The following CYSLTR1 variants were observed in gnomAD, a reference collection of about 807,000 sequenced individuals.
CYSLTR1 encodes G-protein coupled receptor HG55.
CYSLTR1 carries 1 observed loss-of-function variant against 2.1 expected under a neutral mutation model. The ratio of observed to expected loss-of-function variants is 0.48; its 90% CI spans 0.17 to 2.28. The LOEUF (loss-of-function observed/expected upper bound fraction) is 2.28, where lower values mean the gene tolerates loss of function less well. Ranked by LOEUF, CYSLTR1 falls within the 30% of genes most tolerant of loss-of-function variation. The pLI is 0.26. For synonymous variants in CYSLTR1, 110 were observed against 89.6 expected (o/e 1.23, Z -1.28); for missense variants, 299 against 250.1 (o/e 1.20, Z -1.32).
At chrX:78,274,710 A>G (rs1273616951) in intron 2 of CYSLTR1, among the ~76,000 whole-genome samples, 4 of 110,445 alleles carry the variant, frequency 3.6e-5, no homozygotes, top group South Asian at 3.9e-4. Flanking sequence ...AATGACAACA[A>G]AAGCCAAAAT....
chrX:78,315,843 AAG>A (rs1323592514), intron 1 of CYSLTR1, among the ~76,000 whole-genome samples: 1 of 112,171 alleles, frequency 8.9e-6, no homozygotes, highest in Non-Finnish European at 1.9e-5. Context: ...TACTACTATT[AAG>A]AGAGGGACAC....
intron 1 of CYSLTR1, among the ~76,000 whole-genome samples, chrX:78,322,977 T>C (rs928367219): frequency 8.9e-6 from 1 of 111,737 alleles, no homozygotes; most frequent in African/African-American, 3.3e-5. Flanking sequence ...CCTTCCATTG[T>C]ACTGTGCCAA....
intron 1 of CYSLTR1, among the ~76,000 whole-genome samples, chrX:78,306,598 A>G (rs922008300): frequency 1.8e-5 from 2 of 111,915 alleles, no homozygotes; most frequent in Admixed American, 9.5e-5. Flanking sequence ...TAATTTTCTA[A>G]TGAAGCAAAT....
intron 1 of CYSLTR1, among the ~76,000 whole-genome samples, chrX:78,302,035 A>G (rs1186784996): frequency 1.8e-5 from 2 of 111,607 alleles, no homozygotes; most frequent in African/African-American, 6.5e-5. Context: ...CACTGGAAAG[A>G]CCCAACCCCG....
chrX:78,305,036 C>T (rs777187915), intron 1 of CYSLTR1, among the ~76,000 whole-genome samples: 1 of 111,556 alleles, frequency 9.0e-6, no homozygotes, highest in African/African-American at 3.3e-5. Flanking sequence ...GGTCTGGAAA[C>T]AGTATGGCTT....
intron 2 of CYSLTR1, among the ~76,000 whole-genome samples, chrX:78,279,766 TA>T (rs779840981): frequency 1.8e-5 from 2 of 112,024 alleles, no homozygotes; most frequent in Admixed American, 9.5e-5. Context: ...TAGGCAGCCA[TA>T]AAAAAGCATT....
At chrX:78,287,821 G>A (rs1041432459) in intron 1 of CYSLTR1, among the ~76,000 whole-genome samples, 1 of 111,048 alleles carries the variant, frequency 9.0e-6, no homozygotes, top group East Asian at 2.8e-4. Context: ...AATTACAAAG[G>A]GGATACTTTG....
chrX:78,309,735 T>C (rs1569552434), intron 1 of CYSLTR1, among the ~76,000 whole-genome samples: 1 of 111,969 alleles, frequency 8.9e-6, no homozygotes, highest in Non-Finnish European at 1.9e-5. Flanking sequence ...CTTAGTTTTA[T>C]AGAATGTTAG....
At chrX:78,289,209 C>T (rs1007648879) in intron 1 of CYSLTR1, among the ~76,000 whole-genome samples, 1 of 109,552 alleles carries the variant, frequency 9.1e-6, no homozygotes, top group Non-Finnish European at 1.9e-5. Context: ...TGAGAACATG[C>T]GGTGTTTGGT....
chrX:78,320,580 A>C (rs1227649573), intron 1 of CYSLTR1: 1 of 111,597 alleles, frequency 9.0e-6, no homozygotes, highest in Non-Finnish European at 1.9e-5. Flanking sequence ...CTTAGGATTG[A>C]CTTGGCAATG....
intron 1 of CYSLTR1, among the ~76,000 whole-genome samples, chrX:78,307,022 CCT>C (rs752921251): frequency 5.8e-4 from 65 of 111,774 alleles, no homozygotes; most frequent in African/African-American, 2.1e-3. Context: ...GACTTTTCAA[CCT>C]CTGTTTGGAT....
At chrX:78,301,322 G>A (rs1047063070) in intron 1 of CYSLTR1, among the ~76,000 whole-genome samples, 13 of 111,974 alleles carry the variant, frequency 1.2e-4, no homozygotes, top group Admixed American at 1.1e-3. Context: ...GCATCATCAG[G>A]CTGCAAATTT....
intron 1 of CYSLTR1, among the ~76,000 whole-genome samples, chrX:78,317,008 T>A (rs1399628835): frequency 1.8e-5 from 2 of 111,868 alleles, no homozygotes; most frequent in Non-Finnish European, 3.8e-5. Context: ...CTAAAAGAAT[T>A]CTGCACAGCA....
chrX:78,310,997 C>T (rs1923200763), intron 1 of CYSLTR1, among the ~76,000 whole-genome samples: 1 of 109,950 alleles, frequency 9.1e-6, no homozygotes, highest in Admixed American at 9.8e-5. Flanking sequence ...ATATACCATT[C>T]TAGATAATTT....
intron 1 of CYSLTR1, chrX:78,320,767 T>G (rs1182432990): frequency 1.8e-5 from 2 of 111,690 alleles, no homozygotes; most frequent in Non-Finnish European, 3.8e-5. Context: ...TCCATTTGTT[T>G]GTATCCTCTT....
chrX:78,271,939 AG>A lies in CYSLTR1; in HGVS notation c.*793del, dbSNP rs1921278195. 1 of 111,848 alleles carries A rather than the reference AG, an allele frequency of 8.9e-6. No individual in the cohort carries two copies. The highest frequency in any genetic ancestry group is 3.2e-5 in the African/African-American group (1 of 30,828). The allele number at this position is 111,848 out of a possible 1,213,427, so 9.2% of individuals were successfully genotyped here. A position where few individuals can be genotyped will look rare whatever the true frequency, so the allele number is the denominator to read the frequency against. ...TTTTTAATTACTTCTATTTATATAT[AG>A]GAGTGCCAGTTGTCTGGCTTCTTAA... On this transcript the variant is annotated 3_prime_UTR_variant, in exon 3 of 3. Transcript: ENST00000373304.
intron 1 of CYSLTR1, chrX:78,321,661 G>A (rs1415217675): frequency 1.0e-5 from 1 of 97,715 alleles, no homozygotes; most frequent in Non-Finnish European, 2.0e-5. Context: ...TTGCACTCCA[G>A]CTTGGGCAAC....
intron 2 of CYSLTR1, among the ~76,000 whole-genome samples, chrX:78,280,526 G>T (rs1603409367): frequency 1.2e-5 from 1 of 81,827 alleles, no homozygotes; most frequent in South Asian, 6.1e-4. Context: ...TGTGTGTGTT[G>T]GGGGGGGGGT....
chrX:78,285,312 T>C (rs774990067), intron 1 of CYSLTR1, among the ~76,000 whole-genome samples: 1 of 108,065 alleles, frequency 9.3e-6, no homozygotes, highest in Admixed American at 1.0e-4. Context: ...TCCCAGCTAC[T>C]CGGAGAGGCT....
Sources: gnomAD v4.1 joint callset for allele counts (sites outside exome capture counted in the v4.1 genomes callset) on GRCh38, gnomAD v4.1.1 for gene constraint, MANE v1.5 for transcripts, NCBI Gene and HGNC (gene_info 2026-07-23, HGNC 2026-07-21) for gene names.